Variants in SLC35B4 observed in about 807,000 individuals in gnomAD.
SLC35B4 encodes the protein solute carrier family 35 member B4.
A neutral mutation model predicts 39.5 loss-of-function variants in SLC35B4; 28 were observed. The observed-to-expected ratio is 0.71, with a 90% confidence interval of 0.53 to 0.97. SLC35B4 has a LOEUF of 0.97. Among genes scored for constraint, SLC35B4 ranks in the 50% least tolerant of loss-of-function variants. SLC35B4 has a pLI of 0.00. For synonymous variants in SLC35B4, 145 were observed against 150.4 expected (o/e 0.96, Z 0.26); for missense variants, 334 against 414.3 (o/e 0.81, Z 1.68).
At chr7:134,299,778 T>G (rs888048600) in intron 7 of SLC35B4, among the ~76,000 whole-genome samples, 180 bp from the exon 8 acceptor site, 1 of 152,194 alleles carries the variant, frequency 6.6e-6, no homozygotes, top group East Asian at 1.9e-4. Flanking sequence ...TGGCAGGATA[T>G]TAACCCCCAA....
chr7:134,308,580 A>G (rs1309756800), intron 2 of SLC35B4, among the ~76,000 whole-genome samples: 1 of 152,232 alleles, frequency 6.6e-6, no homozygotes, highest in Non-Finnish European at 1.5e-5. Context: ...CTACGTAAGA[A>G]TGCTGCAAAA....
chr7:134,306,625 A>G, intron 3 of SLC35B4, 47 bp downstream of exon 3: 1 of 1,495,902 alleles, frequency 6.7e-7, no homozygotes, highest in Non-Finnish European at 9.3e-7. Flanking sequence ...GATCTACTTA[A>G]CTATACTTTT....
intron 8 of SLC35B4, 78 bp from the exon 9 acceptor site, chr7:134,296,544 G>A: frequency 1.0e-6 from 1 of 979,178 alleles, no homozygotes; most frequent in Non-Finnish European, 1.6e-6. Flanking sequence ...GGGTAATACA[G>A]ACTGAACATA....
At chr7:134,299,703 A>T in intron 7 of SLC35B4, 105 bp from the exon 8 acceptor site, 1 of 971,386 alleles carries the variant, frequency 1.0e-6, no homozygotes, top group Non-Finnish European at 1.6e-6. Flanking sequence ...TGACAGCAAT[A>T]CAAAGAAAAG....
rs1803390543 is a variant in SLC35B4 at position 134,293,773 on chromosome 7, C to G, written c.*1060G>C. 1 of 152,546 alleles carries G rather than the reference C, an allele frequency of 6.6e-6. No individual in the cohort carries two copies. The highest frequency in any genetic ancestry group is 6.6e-5 in the Admixed American group (1 of 15,254). The allele number at this position is 152,546 out of a possible 1,614,324, so 9.4% of individuals were successfully genotyped here. A position where few individuals can be genotyped will look rare whatever the true frequency, so the allele number is the denominator to read the frequency against. ...CCTAGGCAATGGGCTTCAGGGGTGT[C>G]CAGTCCATAACAACCTTTCTTTTTT... On this transcript the variant is annotated 3_prime_UTR_variant, in exon 10 of 10. Transcript: ENST00000378509.
intron 8 of SLC35B4, 84 bp from the exon 9 acceptor site, chr7:134,296,550 A>G (rs1803470304): frequency 6.5e-6 from 6 of 919,854 alleles, no homozygotes; most frequent in Non-Finnish European, 1.0e-5. Context: ...TACAGACTGA[A>G]CATAATAGGA....
rs566556827 is a variant in SLC35B4, at chr7:134,293,792, C to CTTTTT, written c.*1036_*1040dup. On this transcript the variant is annotated 3_prime_UTR_variant, in exon 10 of 10. Coordinates refer to ENST00000378509, the MANE Select transcript of SLC35B4 (RefSeq NM_032826.5). ...GGGTGTCCAGTCCATAACAACCTTT[C>CTTTTT]TTTTTTTTTTTTTTTTTTGAGATAG... is the stretch of plus-strand genomic sequence containing the variant. 1 of 135,570 alleles carries CTTTTT rather than the reference C, an allele frequency of 7.4e-6. No individual in the cohort carries two copies. Among genetic ancestry groups the CTTTTT allele is most frequent in the Admixed American group, 7.4e-5 (1 of 13,556 alleles). 8.4% of individuals were successfully genotyped at this position (135,570 alleles called of 1,614,324 possible). A position where few individuals can be genotyped will look rare whatever the true frequency, so the allele number is the denominator to read the frequency against.
upstream of SLC35B4, among the ~76,000 whole-genome samples, chr7:134,317,401 C>T (rs548232405): frequency 3.5e-4 from 53 of 152,258 alleles, no homozygotes; most frequent in African/African-American, 1.1e-3. Context: ...CACGTCTGTA[C>T]ATTGGAATCA....
chr7:134,305,938 G>C lies in SLC35B4; in HGVS notation c.294+734C>G, dbSNP rs1276494947. Among the ~76,000 whole-genome samples, 3 of 152,228 alleles carry C rather than the reference G, an allele frequency of 2.0e-5. No individual in the cohort carries two copies. In the East Asian group the frequency reaches 5.8e-4, roughly 29 times the overall value. ...CCCACCTCAGCCTCCCAAAGTGCTG[G>C]GATTACAGGCCTGAACCACTGTGCA... On this transcript the variant is annotated intron_variant, in intron 3 of 9. Transcript: ENST00000378509.
At chr7:134,302,648 G>C (rs546328645) in intron 4 of SLC35B4, among the ~76,000 whole-genome samples, 1 of 152,252 alleles carries the variant, frequency 6.6e-6, no homozygotes, top group South Asian at 2.1e-4. Context: ...GGCATAGTTG[G>C]ATAAGGGGGA....
Position 134,314,628 on chromosome 7 carries a change from C to T in SLC35B4, c.77+2047G>A, listed in dbSNP as rs144254420. Among the ~76,000 whole-genome samples, 1,347 of 152,198 alleles carry T rather than the reference C, an allele frequency of 8.9e-3. 33 individuals carry two copies. Among genetic ancestry groups the T allele is most frequent in the African/African-American group, 0.031 (1,289 of 41,512 alleles). On this transcript the variant is annotated intron_variant, in intron 1 of 9. Coordinates refer to ENST00000378509, the MANE Select transcript of SLC35B4 (RefSeq NM_032826.5). ...TCGGCTCACTGCAACCTCCACCTCC[C>T]GGGTTCTAACGATTATCCTGCCTCA...
intron 3 of SLC35B4, 92 bp downstream of exon 3, chr7:134,306,580 T>C: frequency 9.5e-7 from 1 of 1,056,126 alleles, no homozygotes; most frequent in South Asian, 1.6e-5. Flanking sequence ...GACCACTTAC[T>C]ACAAGAACCT....
chr7:134,312,780 A>G (rs986349419), intron 1 of SLC35B4, among the ~76,000 whole-genome samples: 1 of 152,192 alleles, frequency 6.6e-6, no homozygotes, highest in African/African-American at 2.4e-5. Flanking sequence ...TGAGGGTCCC[A>G]TTGCACTGCG....
intron 3 of SLC35B4, among the ~76,000 whole-genome samples, 155 bp downstream of exon 3, chr7:134,306,517 T>C (rs2117304504): frequency 7.2e-6 from 1 of 138,256 alleles, no homozygotes. Context: ...TTTTGCCTTC[T>C]CAGATGAAAG....
chr7:134,299,893 A>G (rs945181944), intron 7 of SLC35B4, among the ~76,000 whole-genome samples: 3 of 152,160 alleles, frequency 2.0e-5, no homozygotes, highest in Admixed American at 2.0e-4. Flanking sequence ...ATTTAAACAT[A>G]TAGTCTTTCT....
chr7:134,311,217 A>G (rs1322890527), intron 1 of SLC35B4, among the ~76,000 whole-genome samples: 4 of 152,220 alleles, frequency 2.6e-5, no homozygotes, highest in Non-Finnish European at 5.9e-5. Context: ...TCCATAAATA[A>G]TCATGTAAGA....
At chr7:134,308,536 AT>A (rs1372346211) in intron 2 of SLC35B4, among the ~76,000 whole-genome samples, 1 of 152,266 alleles carries the variant, frequency 6.6e-6, no homozygotes, top group East Asian at 1.9e-4. Flanking sequence ...AAAGTATAAT[AT>A]TAACAAAATT....
chr7:134,303,271 G>A (rs1803631934), intron 4 of SLC35B4, among the ~76,000 whole-genome samples: 1 of 152,156 alleles, frequency 6.6e-6, no homozygotes, highest in Admixed American at 6.5e-5. Context: ...AAGGGCAACA[G>A]ATGCTTGAGA....
intron 9 of SLC35B4, 145 bp from the exon 10 acceptor site, chr7:134,295,224 G>A: frequency 4.8e-6 from 5 of 1,035,096 alleles, no homozygotes; most frequent in Non-Finnish European, 6.9e-6. Context: ...CTCCTCCTGG[G>A]GAGAACCTGC....
Sources: gnomAD v4.1 joint callset for allele counts (sites outside exome capture counted in the v4.1 genomes callset) on GRCh38, gnomAD v4.1.1 for gene constraint, MANE v1.5 for transcripts, NCBI Gene and HGNC (gene_info 2026-07-23, HGNC 2026-07-21) for gene names.